GNG12: variants seen among roughly 807,000 people sequenced by gnomAD.
GNG12 encodes guanine nucleotide-binding protein G(I)/G(S)/G(O) subunit gamma-12.
For synonymous variants in GNG12, 28 were observed against 29.7 expected, an observed-to-expected ratio of 0.94 and a Z score of 0.19; for missense variants, 69 against 83.8, an observed-to-expected ratio of 0.82 and a Z score of 0.69.
chr1:67,727,962 T>G (rs1279512180), intron 2 of GNG12, among the ~76,000 whole-genome samples: 1 of 152,234 alleles, frequency 6.6e-6, no homozygotes, highest in Non-Finnish European at 1.5e-5. Flanking sequence ...TTGCTTCTCC[T>G]CTTTTTAGTG....
intron 2 of GNG12, among the ~76,000 whole-genome samples, chr1:67,733,560 G>A (rs1177855376): frequency 6.6e-6 from 1 of 151,948 alleles, no homozygotes. Flanking sequence ...CCATACAGAG[G>A]GTTAGTGTAT....
chr1:67,798,980 A>G (rs576771810), intron 1 of GNG12, among the ~76,000 whole-genome samples: 1 of 152,110 alleles, frequency 6.6e-6, no homozygotes, highest in Non-Finnish European at 1.5e-5. Flanking sequence ...ATAAATAAAT[A>G]AATAAATAGT....
At chr1:67,715,285 T>G (rs1211096078) in intron 2 of GNG12, among the ~76,000 whole-genome samples, 1 of 152,212 alleles carries the variant, frequency 6.6e-6, no homozygotes, top group Non-Finnish European at 1.5e-5. Context: ...TGTCTTGATC[T>G]CAGACGTCTA....
chr1:67,763,109 G>GAA (rs1646615972), intron 2 of GNG12, among the ~76,000 whole-genome samples: 1 of 151,728 alleles, frequency 6.6e-6, no homozygotes, highest in African/African-American at 2.4e-5. Context: ...GAGAGAGAGA[G>GAA]AGAGAGAGAG....
chr1:67,782,307 T>A (rs1331324846), intron 1 of GNG12, among the ~76,000 whole-genome samples: 2 of 152,232 alleles, frequency 1.3e-5, no homozygotes, highest in Non-Finnish European at 1.5e-5. Flanking sequence ...CAAAGAATTA[T>A]AAATTCATTC....
chr1:67,828,032 G>C (rs565632775), intron 1 of GNG12, among the ~76,000 whole-genome samples: 3 of 152,344 alleles, frequency 2.0e-5, no homozygotes, highest in Admixed American at 6.5e-5. Flanking sequence ...GGAAAGTGGG[G>C]AGGTCAGGAT....
chr1:67,804,773 A>G (rs1183801435), intron 1 of GNG12, among the ~76,000 whole-genome samples: 5 of 151,998 alleles, frequency 3.3e-5, no homozygotes, highest in African/African-American at 1.2e-4. Flanking sequence ...TAACCAACAA[A>G]TTGCTAGAGA....
At chr1:67,722,117 T>TAA (rs754538712) in intron 2 of GNG12, among the ~76,000 whole-genome samples, 11 of 151,964 alleles carry the variant, frequency 7.2e-5, no homozygotes, top group Non-Finnish European at 1.3e-4. Context: ...TTCCTTAGAA[T>TAA]GCACTTAAAA....
At chr1:67,708,801 C>T (rs1035268766) in intron 2 of GNG12, among the ~76,000 whole-genome samples, 9 of 152,146 alleles carry the variant, frequency 5.9e-5, no homozygotes, top group African/African-American at 1.4e-4. Context: ...TGTGCCTCCC[C>T]GGCGCTATGT....
chr1:67,805,843 C>A (rs1646891683), intron 1 of GNG12, among the ~76,000 whole-genome samples: 2 of 148,234 alleles, frequency 1.3e-5, no homozygotes, highest in African/African-American at 2.5e-5. Context: ...AAAAAAAAAA[C>A]CTAGGCATAA....
intron 1 of GNG12, among the ~76,000 whole-genome samples, chr1:67,833,101 G>C (rs1278694288): frequency 6.6e-6 from 1 of 151,166 alleles, no homozygotes; most frequent in East Asian, 2.0e-4. Context: ...TCTGGGTCTC[G>C]GTGTCCCTTG....
At chr1:67,740,053 A>C (rs368469364) in intron 2 of GNG12, among the ~76,000 whole-genome samples, 13 of 152,378 alleles carry the variant, frequency 8.5e-5, no homozygotes, top group East Asian at 7.7e-4. Context: ...ACGGCACGCC[A>C]GCTGGATAAA....
intron 2 of GNG12, among the ~76,000 whole-genome samples, chr1:67,744,134 T>C (rs777717725): frequency 1.3e-5 from 2 of 152,206 alleles, no homozygotes. Flanking sequence ...ATTACCTCAT[T>C]TAATCTTCAC....
Position 67,780,444 on chromosome 1 carries a change from G to T in GNG12, c.-76-2937C>A, listed in dbSNP as rs74503975. Among the ~76,000 whole-genome samples, 527 of 152,152 alleles carry T rather than the reference G, an allele frequency of 3.5e-3. 5 individuals carry two copies. Among genetic ancestry groups the T allele is most frequent in the Non-Finnish European group, 5.2e-3 (352 of 67,996 alleles). On this transcript the variant is annotated intron_variant, in intron 1 of 3. Transcript: ENST00000370982. The stretch of plus-strand genomic sequence containing the variant: ...CTATATTTTAGATTTCCATTTATTG[G>T]TTTCTCCCCCAACAGGTTTGCAGAA...
intron 1 of GNG12, among the ~76,000 whole-genome samples, chr1:67,789,144 C>G (rs557445997): frequency 1.3e-5 from 2 of 152,260 alleles, no homozygotes; most frequent in South Asian, 2.1e-4. Context: ...CTTCGGTCTG[C>G]AGAAGATGCA....
At chr1:67,733,442 G>A (rs922893962) in intron 2 of GNG12, among the ~76,000 whole-genome samples, 2 of 151,986 alleles carry the variant, frequency 1.3e-5, no homozygotes, top group East Asian at 3.8e-4. Flanking sequence ...ACACGTGCAC[G>A]TATATGATGT....
At chr1:67,794,889 C>T (rs974251378) in intron 1 of GNG12, among the ~76,000 whole-genome samples, 1 of 152,218 alleles carries the variant, frequency 6.6e-6, no homozygotes, top group Non-Finnish European at 1.5e-5. Flanking sequence ...AACCATCCAC[C>T]CACCTACCTG....
intron 2 of GNG12, among the ~76,000 whole-genome samples, chr1:67,758,672 C>T (rs1454694217): frequency 6.6e-6 from 1 of 152,178 alleles, no homozygotes; most frequent in African/African-American, 2.4e-5. Context: ...ATAGAACAAA[C>T]CCACCCAAAA....
chr1:67,706,230 A>G (rs1193497243), intron 3 of GNG12, among the ~76,000 whole-genome samples: 2 of 152,222 alleles, frequency 1.3e-5, no homozygotes, highest in East Asian at 1.9e-4. Context: ...GAGAAAAAGC[A>G]TATGTGAATC....
Sources: gnomAD v4.1 joint callset for allele counts (sites outside exome capture counted in the v4.1 genomes callset) on GRCh38, gnomAD v4.1.1 for gene constraint, MANE v1.5 for transcripts, NCBI Gene and HGNC (gene_info 2026-07-23, HGNC 2026-07-21) for gene names.